L3MBTL4: variants seen among roughly 807,000 people sequenced by gnomAD.
L3MBTL4 encodes L3MBTL histone methyl-lysine binding protein 4.
In L3MBTL4, 70 loss-of-function variants were observed where a neutral mutation model predicts 84.5. The ratio of observed to expected loss-of-function variants is 0.83; its 90% CI spans 0.68 to 1.01. L3MBTL4 has a LOEUF of 1.01. L3MBTL4 is among the 50% of genes least tolerant of loss of function. The pLI, the probability that L3MBTL4 is intolerant of heterozygous loss-of-function variation, is 0.00. For missense variants in L3MBTL4, 715 were observed against 754.8 expected (o/e 0.95, Z 0.62); for synonymous variants, 274 against 259.8 (o/e 1.05, Z -0.52).
chr18:6,111,455 C>T (rs1476631023), intron 14 of L3MBTL4, among the ~76,000 whole-genome samples: 1 of 152,140 alleles, frequency 6.6e-6, no homozygotes, highest in Non-Finnish European at 1.5e-5. Context: ...TTATGCAGAG[C>T]AATGCTGCTC....
intron 16 of L3MBTL4, among the ~76,000 whole-genome samples, chr18:6,043,621 C>CT (rs1268773979): frequency 6.6e-6 from 1 of 152,148 alleles, no homozygotes; most frequent in Non-Finnish European, 1.5e-5. Context: ...AGGTTGATGT[C>CT]TTTCAATACG....
chr18:6,348,650 A>T (rs2053036281), intron 1 of L3MBTL4, among the ~76,000 whole-genome samples: 1 of 152,192 alleles, frequency 6.6e-6, no homozygotes, highest in Non-Finnish European at 1.5e-5. Flanking sequence ...TTAGGTAACA[A>T]TTACTTGAAT....
At chr18:5,970,249 CTCTTT>C (rs2052573578) in intron 16 of L3MBTL4, among the ~76,000 whole-genome samples, 1 of 152,204 alleles carries the variant, frequency 6.6e-6, no homozygotes, top group Non-Finnish European at 1.5e-5. Flanking sequence ...AGATGGGGTG[CTCTTT>C]TCTGAGCAGC....
intron 4 of L3MBTL4, among the ~76,000 whole-genome samples, chr18:6,290,368 T>C (rs1352192120): frequency 7.9e-5 from 12 of 152,124 alleles, no homozygotes; most frequent in Admixed American, 7.9e-4. Flanking sequence ...ATTAGGTTTT[T>C]GATTACTTAA....
intron 16 of L3MBTL4, among the ~76,000 whole-genome samples, chr18:6,071,757 GAAAAAAA>G (rs2057634484): frequency 5.7e-5 from 3 of 52,762 alleles, no homozygotes; most frequent in Admixed American, 2.3e-4. Flanking sequence ...AAGAAAGAAA[GAAAAAAA>G]GAAAGAAAGA....
rs532111138 is a variant in L3MBTL4 at position 6,053,382 on chromosome 18, A to G, written c.1444+27499T>C. Among the ~76,000 whole-genome samples the G allele has an allele frequency of 2.0e-5, 3 of 152,270 alleles. No homozygotes were observed. In the South Asian group the frequency reaches 6.2e-4, roughly 32 times the overall value. On this transcript the variant is annotated intron_variant, in intron 16 of 18. Coordinates refer to ENST00000317931, the MANE Select transcript of L3MBTL4 (RefSeq NM_001330559.2). ...AAGAATGTGAAAGTTGCTGGTACCAAAATGGAGTCACTTATGTCCAATCCT... is the reference window on the plus strand; with the variant it reads ...AAGAATGTGAAAGTTGCTGGTACCAGAATGGAGTCACTTATGTCCAATCCT...
intron 16 of L3MBTL4, among the ~76,000 whole-genome samples, chr18:6,054,543 C>G (rs1330231472): frequency 6.6e-6 from 1 of 152,196 alleles, no homozygotes; most frequent in African/African-American, 2.4e-5. Context: ...CCCTCGCCCC[C>G]GCCCCTTCCC....
chr18:6,386,855 T>C (rs908580572), intron 1 of L3MBTL4, among the ~76,000 whole-genome samples: 8 of 152,116 alleles, frequency 5.3e-5, no homozygotes, highest in African/African-American at 1.9e-4. Context: ...TTATTATGAA[T>C]GACATGAGAA....
Position 6,414,759 on chromosome 18 carries a change from G to C in L3MBTL4, c.-91+42C>G, listed in dbSNP as rs1297939627. On this transcript the variant is annotated intron_variant, in intron 1 of 18. Transcript: ENST00000317931. The surrounding 1 kb of genome is among the most constrained non-coding windows in gnomAD (Gnocchi z 5.4). Reference sequence around the variant, plus strand: ...CGGCGGCGGCCGTGGGCACCCACGCGGGCTCGCGACCATCCCACGCGGGCG... The same window carrying C: ...CGGCGGCGGCCGTGGGCACCCACGCCGGCTCGCGACCATCCCACGCGGGCG... 6.6e-6 allele frequency: 1 copy of C among 151,812 alleles called. No homozygotes were observed. Among genetic ancestry groups the C allele is most frequent in the Non-Finnish European group, 1.5e-5 (1 of 68,014 alleles). 9.4% of individuals were successfully genotyped at this position (151,812 alleles called of 1,614,324 possible).
At chr18:6,068,076 T>G (rs902217336) in intron 16 of L3MBTL4, among the ~76,000 whole-genome samples, 2 of 152,200 alleles carry the variant, frequency 1.3e-5, no homozygotes, top group Non-Finnish European at 2.9e-5. Flanking sequence ...TAGGAGTTCC[T>G]TAAAGAGAGT....
intron 11 of L3MBTL4, among the ~76,000 whole-genome samples, chr18:6,215,337 A>G (rs976450645): frequency 1.3e-5 from 2 of 152,212 alleles, no homozygotes; most frequent in African/African-American, 4.8e-5. Context: ...ACCTCAAAAT[A>G]TATAACATTA....
intron 10 of L3MBTL4, among the ~76,000 whole-genome samples, chr18:6,226,007 C>T (rs1211785523): frequency 2.0e-5 from 3 of 152,058 alleles, no homozygotes; most frequent in Non-Finnish European, 4.4e-5. Flanking sequence ...AGAGAAGGAA[C>T]ATAACACCAG....
At chr18:6,101,141 C>A (rs2058810939) in intron 14 of L3MBTL4, among the ~76,000 whole-genome samples, 1 of 152,152 alleles carries the variant, frequency 6.6e-6, no homozygotes, top group African/African-American at 2.4e-5. Context: ...GGTCCTTTAA[C>A]TAGAGAGATA....
At chr18:6,031,018 C>T (rs1321916267) in intron 16 of L3MBTL4, 1 of 985,244 alleles carries the variant, frequency 1.0e-6, no homozygotes, top group East Asian at 1.1e-4. Context: ...GTCCATGTTT[C>T]CATTTTATAG....
At chr18:6,309,174 C>T (rs923998125) in intron 3 of L3MBTL4, among the ~76,000 whole-genome samples, 8 of 152,108 alleles carry the variant, frequency 5.3e-5, no homozygotes, top group Non-Finnish European at 1.2e-4. Context: ...AAGGGTAATA[C>T]ACAAAATAAA....
At chr18:6,228,085 A>G (rs1599239688) in intron 10 of L3MBTL4, among the ~76,000 whole-genome samples, 1 of 152,358 alleles carries the variant, frequency 6.6e-6, no homozygotes, top group South Asian at 2.1e-4. Flanking sequence ...ATAAATCAAT[A>G]GAACAGAATA....
At chr18:6,390,710 A>G (rs2055011094) in intron 1 of L3MBTL4, among the ~76,000 whole-genome samples, 1 of 152,194 alleles carries the variant, frequency 6.6e-6, no homozygotes, top group Non-Finnish European at 1.5e-5. Context: ...CTCTATGCAC[A>G]CAAACTAGAA....
At chr18:6,350,585 T>C (rs907051812) in intron 1 of L3MBTL4, among the ~76,000 whole-genome samples, 11 of 150,820 alleles carry the variant, frequency 7.3e-5, no homozygotes, top group African/African-American at 2.7e-4. Flanking sequence ...AAAGTGTTGA[T>C]AAAGATGTGG....
chr18:6,029,708 T>C, intron 16 of L3MBTL4: 1 of 984,988 alleles, frequency 1.0e-6, no homozygotes. Context: ...AAGGGTAAAA[T>C]TAAAAGTTAA....
Sources: allele counts gnomAD v4.1 joint callset (sites outside exome capture counted in the v4.1 genomes callset), GRCh38; gene constraint gnomAD v4.1.1; non-coding constraint Gnocchi (gnomAD v3.1); transcripts MANE v1.5; gene names NCBI Gene and HGNC (gene_info 2026-07-23, HGNC 2026-07-21).